RAD51D: variants seen among roughly 807,000 people sequenced by gnomAD.
RAD51D encodes RAD51 paralog D, also known as DNA repair protein RAD51 homolog 4.
A neutral mutation model predicts 44.1 loss-of-function variants in RAD51D; 38 were observed. That is an observed-to-expected ratio of 0.86 (90% CI 0.67 to 1.13). RAD51D has a LOEUF of 1.13. Ranked by LOEUF, RAD51D falls within the 50% of genes most tolerant of loss-of-function variation. RAD51D has a pLI of 0.00. For synonymous variants in RAD51D, 141 were observed against 166.6 expected (o/e 0.85, Z 1.18); for missense variants, 390 against 414.0 (o/e 0.94, Z 0.50).
At chr17:35,101,071 C>G (rs1167020663) in intron 9 of RAD51D, 35 bp from the exon 10 acceptor site, 1 of 1,606,128 alleles carries the variant, frequency 6.2e-7, no homozygotes, top group Non-Finnish European at 8.5e-7. Flanking sequence ...TGGAGTTAAG[C>G]AACCCAAGTG....
intron 3 of RAD51D, among the ~76,000 whole-genome samples, chr17:35,111,391 A>G (rs1036896734): frequency 8.1e-6 from 1 of 123,286 alleles, no homozygotes; most frequent in Non-Finnish European, 1.6e-5. Context: ...AACTCCGTCT[A>G]AAAAAAAAAA....
chr17:35,092,623 G>T lies in RAD51D; in HGVS notation c.*8330C>A, dbSNP rs2142397321. On this transcript the variant is annotated 3_prime_UTR_variant, in exon 10 of 10. Transcript: ENST00000345365. ...GGTTTTGAACTTAGATCTTTTTCCT[G>T]ATTCCAAAATCCCAAATCACCATTC... 1 of 152,246 alleles carries T rather than the reference G, an allele frequency of 6.6e-6. No individual in the cohort carries two copies. Among genetic ancestry groups the T allele is most frequent in the Admixed American group, 6.5e-5 (1 of 15,288 alleles). 9.4% of individuals were successfully genotyped at this position (152,246 alleles called of 1,614,324 possible).
At chr17:35,109,375 G>A (rs1249078968) in intron 3 of RAD51D, among the ~76,000 whole-genome samples, 1 of 152,132 alleles carries the variant, frequency 6.6e-6, no homozygotes, top group Non-Finnish European at 1.5e-5. Context: ...TTTTTTACAG[G>A]TTTTTGTATA....
rs55665937 is a variant in RAD51D at position 35,119,267 on chromosome 17, C to A, written c.83-95G>T. ...CTGTCAAATGGGGTGTCAATTCTACCCCCCGGCAGGCCGTCTCAGGAGGCC... is the reference window on the plus strand; with the variant it reads ...CTGTCAAATGGGGTGTCAATTCTACACCCCGGCAGGCCGTCTCAGGAGGCC... On this transcript the variant is annotated intron_variant, in intron 1 of 9. Coordinates refer to ENST00000345365, the MANE Select transcript of RAD51D (RefSeq NM_002878.4). 1.4e-5 allele frequency: 17 copies of A among 1,224,514 alleles called. 1 individual carries two copies. In the South Asian group the frequency reaches 1.6e-4, roughly 11 times the overall value. The allele number at this position is 1,224,514 out of a possible 1,614,324, so 75.9% of individuals were successfully genotyped here.
rs370123666 is a variant in RAD51D at position 35,118,455 on chromosome 17, C to A, written c.263+46G>T. 47 of 1,487,546 alleles carry A rather than the reference C, an allele frequency of 3.2e-5. No homozygotes were observed. The African/African-American group carries it at 6.1e-4, about 19-fold the overall frequency. The allele number at this position is 1,487,546 out of a possible 1,614,324, so 92.1% of individuals were successfully genotyped here. On this transcript the variant is annotated intron_variant, in intron 3 of 9. Coordinates refer to ENST00000345365, the MANE Select transcript of RAD51D (RefSeq NM_002878.4). ...ATCAAAAGCAGAGCTGAGAGGAGGC[C>A]CCATCCTCCTGCCTCTCTCCTTCTT...
chr17:35,106,228 T>A, intron 6 of RAD51D, 158 bp downstream of exon 6: 1 of 758,702 alleles, frequency 1.3e-6, no homozygotes, highest in Non-Finnish European at 2.4e-6. Context: ...GGTATGTGAT[T>A]TAGGTGCTCG....
At chr17:35,107,735 T>C (rs1158532820) in intron 3 of RAD51D, among the ~76,000 whole-genome samples, 5 of 144,130 alleles carry the variant, frequency 3.5e-5, no homozygotes, top group Non-Finnish European at 7.5e-5. Flanking sequence ...CCTGTGGGTT[T>C]CCTTTTTTTT....
intron 3 of RAD51D, chr17:35,113,508 A>T (rs943636556): frequency 7.7e-6 from 3 of 389,940 alleles, no homozygotes; most frequent in Non-Finnish European, 1.0e-5. Flanking sequence ...ACCTCAGGTG[A>T]CCCACTCGCC....
At chr17:35,108,740 A>T (rs1372130879) in intron 3 of RAD51D, among the ~76,000 whole-genome samples, 1 of 151,958 alleles carries the variant, frequency 6.6e-6, no homozygotes, top group Non-Finnish European at 1.5e-5. Context: ...TTATAGCCAC[A>T]TTCCTCCCAT....
At chr17:35,104,218 A>C (rs2091572956) in intron 6 of RAD51D, among the ~76,000 whole-genome samples, 1 of 151,864 alleles carries the variant, frequency 6.6e-6, no homozygotes, top group South Asian at 2.1e-4. Flanking sequence ...CCATGGTGGT[A>C]AGGCCCTTCT....
At position 35,110,908 on chromosome 17, in the gene RAD51D, C is replaced by G. The variant is rs542668580; in HGVS notation, c.264-3461G>C. Among the ~76,000 whole-genome samples, 550 of 151,948 alleles carry G rather than the reference C, an allele frequency of 3.6e-3. 3 individuals are homozygous for G. Among genetic ancestry groups the G allele is most frequent in the African/African-American group, 0.012 (497 of 41,420 alleles). On this transcript the variant is annotated intron_variant, in intron 3 of 9. Transcript: ENST00000345365. ...ATCACCTGAGGTCAGGAGTTCAAGA[C>G]CAGCCTGGCCAACATGGTGAAACCC...
rs998602522 is a variant in RAD51D, at chr17:35,095,473, TCAAA to T, written c.*5476_*5479del. ...CAGCCTAGGTGACAGAGACTCCGTC[TCAAA>T]CAAACAAACAAAAGCTAAATTTGGC... On this transcript the variant is annotated 3_prime_UTR_variant, in exon 10 of 10. Transcript: ENST00000345365. The T allele has an allele frequency of 1.3e-4, 19 of 151,982 alleles. No individual in the cohort carries two copies. Among genetic ancestry groups the T allele is most frequent in the South Asian group, 4.2e-4 (2 of 4,812 alleles). The allele number at this position is 151,982 out of a possible 1,614,324, so 9.4% of individuals were successfully genotyped here. A position where few individuals can be genotyped will look rare whatever the true frequency, so the allele number is the denominator to read the frequency against.
rs1597855435 is a variant in RAD51D, at chr17:35,101,005, C to A, written c.935G>T (p.Gly312Val). The change falls in exon 10 of 10, where the codon GGG (glycine) becomes GTG (valine). Residue 312 changes from glycine (G) to valine (V), a missense_variant. Transcript: ENST00000345365. The stretch of plus-strand genomic sequence containing the variant: ...ACTCTGCTCTGAGGTCCCCCAGGTC[C>A]CAATGTCTACCATCTCCTGGAAACC... ...PTGFQEMVDI[G>V]TWGTSEQSAT... 1 of 1,613,718 alleles carries A rather than the reference C, an allele frequency of 6.2e-7. No individual in the cohort carries two copies. Among genetic ancestry groups the A allele is most frequent in the African/African-American group, 1.3e-5 (1 of 74,908 alleles).
Position 35,094,879 on chromosome 17 carries a change from C to A in RAD51D, c.*6074G>T, listed in dbSNP as rs557262091. On this transcript the variant is annotated 3_prime_UTR_variant, in exon 10 of 10. Coordinates refer to ENST00000345365, the MANE Select transcript of RAD51D (RefSeq NM_002878.4). ...ATACATAATAGAGCCTTGATTAACT[C>A]GTCTTTGGTACTACCGTAAGTACTA... 1 of 147,732 alleles carries A rather than the reference C, an allele frequency of 6.8e-6. No individual in the cohort carries two copies. Among genetic ancestry groups the A allele is most frequent in the Non-Finnish European group, 1.5e-5 (1 of 68,044 alleles). The allele number at this position is 147,732 out of a possible 1,614,324, so 9.2% of individuals were successfully genotyped here.
intron 3 of RAD51D, among the ~76,000 whole-genome samples, chr17:35,109,670 A>C (rs1016909531): frequency 5.3e-5 from 8 of 150,332 alleles, no homozygotes; most frequent in African/African-American, 2.0e-4. Flanking sequence ...ATAGTGTTGA[A>C]CTTTTTTTTT....
intron 5 of RAD51D, among the ~76,000 whole-genome samples, 185 bp downstream of exon 5, chr17:35,106,803 T>A (rs2091609887): frequency 6.6e-6 from 1 of 152,094 alleles, no homozygotes; most frequent in Non-Finnish European, 1.5e-5. Flanking sequence ...GAAGAATCAG[T>A]GTGAGTAGCA....
In RAD51D at chr17:35,119,716, C is replaced by T. The variant is rs1371280176; in HGVS notation, c.-103G>A. 8.4e-7 allele frequency: 1 copy of T among 1,187,942 alleles called. No individual in the cohort carries two copies. The highest frequency in any genetic ancestry group is 1.2e-5 in the South Asian group (1 of 81,674). 73.6% of individuals were successfully genotyped at this position (1,187,942 alleles called of 1,614,324 possible). ...CTCCCCTACCCCTTCCTAGAGAGGA[C>T]ACAGGCGCGCTGGCTGCCGGAGGAG... On this transcript the variant is annotated 5_prime_UTR_variant, in exon 1 of 10. Coordinates refer to ENST00000345365, the MANE Select transcript of RAD51D (RefSeq NM_002878.4).
At chr17:35,109,171 G>T (rs1010465329) in intron 3 of RAD51D, among the ~76,000 whole-genome samples, 4 of 152,044 alleles carry the variant, frequency 2.6e-5, no homozygotes, top group African/African-American at 4.8e-5. Flanking sequence ...CTGGCCCTGC[G>T]ATTGGCTTTT....
chr17:35,114,368 T>TG (rs1293918014), intron 3 of RAD51D, among the ~76,000 whole-genome samples: 1 of 152,064 alleles, frequency 6.6e-6, no homozygotes, highest in Non-Finnish European at 1.5e-5. Flanking sequence ...GCACATTGGA[T>TG]TCACCTGGGA....
Sources: allele counts gnomAD v4.1 joint callset (sites outside exome capture counted in the v4.1 genomes callset), GRCh38; gene constraint gnomAD v4.1.1; transcripts MANE v1.5; gene names NCBI Gene and HGNC (gene_info 2026-07-23, HGNC 2026-07-21).